Variants in DNAH8 observed in about 807,000 individuals in gnomAD.
DNAH8 encodes dynein axonemal heavy chain 8.
A neutral mutation model predicts 562.1 loss-of-function variants in DNAH8; 382 were observed. The ratio of observed to expected loss-of-function variants is 0.68; its 90% confidence interval spans 0.63 to 0.74. The LOEUF (loss-of-function observed/expected upper bound fraction) is 0.74, where lower values mean the gene tolerates loss of function less well. Among genes scored for constraint, DNAH8 ranks in the 30% least tolerant of loss-of-function variants. The pLI is 0.00. For missense variants in DNAH8, 5,203 were observed against 5,620.4 expected (o/e 0.93, Z 2.37); for synonymous variants, 1,881 against 1,919.4 (o/e 0.98, Z 0.52).
intron 4 of DNAH8, among the ~76,000 whole-genome samples, chr6:38,731,183 T>C (rs925336842): frequency 2.6e-5 from 4 of 152,204 alleles, no homozygotes; most frequent in African/African-American, 9.7e-5. Flanking sequence ...TCTATATTTT[T>C]ATAACTTGTT....
intron 52 of DNAH8, among the ~76,000 whole-genome samples, chr6:38,874,106 TTCCTTCCTTCCTCCTTC>T (rs1453391321): frequency 7.8e-4 from 48 of 61,618 alleles, no homozygotes; most frequent in African/African-American, 2.6e-3. Flanking sequence ...CTCTTTCTCC[TTCCTTCCTTCCTCCTTC>T]TCTCTTTCTT....
At chr6:38,830,634 CAAAA>C (rs56761180) in intron 30 of DNAH8, among the ~76,000 whole-genome samples, 63 of 90,444 alleles carry the variant, frequency 7.0e-4, no homozygotes, top group South Asian at 4.1e-3. Flanking sequence ...GACTCTATCT[CAAAA>C]AAAAAAAAAA....
At chr6:38,834,387 A>AATT (rs1774103189) in intron 31 of DNAH8, among the ~76,000 whole-genome samples, 192 bp from the exon 32 acceptor site, 1 of 152,202 alleles carries the variant, frequency 6.6e-6, no homozygotes. Context: ...TAAATGAATG[A>AATT]ATTGTATAGT....
intron 11 of DNAH8, among the ~76,000 whole-genome samples, chr6:38,766,201 A>G (rs777741007): frequency 1.3e-5 from 2 of 151,966 alleles, no homozygotes; most frequent in African/African-American, 2.4e-5. Flanking sequence ...TTCAGTCTTT[A>G]CAAAGAAGGA....
chr6:38,838,356 A>G (rs1774479119), intron 33 of DNAH8, among the ~76,000 whole-genome samples: 1 of 151,972 alleles, frequency 6.6e-6, no homozygotes, highest in African/African-American at 2.4e-5. Flanking sequence ...AGCAATTTTG[A>G]GTAACTTTTG....
chr6:38,885,221 C>T (rs980463537), intron 56 of DNAH8, among the ~76,000 whole-genome samples: 4 of 152,156 alleles, frequency 2.6e-5, no homozygotes, highest in South Asian at 2.1e-4. Context: ...CTGGTTGGAT[C>T]GCAAACTTAA....
At chr6:38,775,655 A>T in intron 12 of DNAH8, 99 bp from the exon 13 acceptor site, 1 of 728,324 alleles carries the variant, frequency 1.4e-6, no homozygotes. Context: ...GCCCTGTTTA[A>T]TGGTTTGTGT....
At chr6:38,976,276 G>T (rs1763665953) in intron 85 of DNAH8, among the ~76,000 whole-genome samples, 1 of 152,192 alleles carries the variant, frequency 6.6e-6, no homozygotes, top group African/African-American at 2.4e-5. Flanking sequence ...GTTAGAGGCA[G>T]AAGTAGGTGA....
rs575337475 is a variant in DNAH8 at position 39,016,632 on chromosome 6, A to AAT, written c.13714+4002_13714+4003dup. On this transcript the variant is annotated intron_variant, in intron 91 of 92. Transcript: ENST00000327475. ...GTATAAAGGCTGTAGTTTCATCACA[A>AAT]ATATATATGCAGTAATCAAAATCAC... Among the ~76,000 whole-genome samples the AAT allele has an allele frequency of 1.4e-4, 21 of 152,326 alleles. No individual in the cohort carries two copies. The South Asian group carries it at 4.1e-3, about 30-fold the overall frequency.
chr6:38,843,022 T>C, intron 35 of DNAH8, 119 bp downstream of exon 35: 1 of 978,412 alleles, frequency 1.0e-6, no homozygotes, highest in Non-Finnish European at 1.5e-6. Context: ...TAATGCACCC[T>C]CAAAATTTGG....
chr6:38,947,475 C>G (rs1394809602), intron 80 of DNAH8, among the ~76,000 whole-genome samples: 1 of 152,226 alleles, frequency 6.6e-6, no homozygotes, highest in Non-Finnish European at 1.5e-5. Context: ...TATCACCTAT[C>G]ATGGCTGCAG....
At chr6:38,881,573 G>C (rs527494780) in intron 53 of DNAH8, among the ~76,000 whole-genome samples, 1 of 137,794 alleles carries the variant, frequency 7.3e-6, no homozygotes, top group Non-Finnish European at 1.5e-5. Flanking sequence ...TTTTTGAGAC[G>C]GAGTTTCGCT....
intron 26 of DNAH8, among the ~76,000 whole-genome samples, chr6:38,821,894 A>AT (rs1192171255): frequency 6.6e-6 from 1 of 152,128 alleles, no homozygotes; most frequent in Non-Finnish European, 1.5e-5. Context: ...CAAAAGATGT[A>AT]TTTTCAAGTT....
Position 38,857,553 on chromosome 6 carries a change from C to A in DNAH8, c.5769C>A (p.His1923Gln), listed in dbSNP as rs2061907. 5.5e-5 allele frequency: 89 copies of A among 1,612,904 alleles called. No homozygotes were observed. Among genetic ancestry groups the A allele is most frequent in the Non-Finnish European group, 7.0e-5 (82 of 1,179,482 alleles). The change falls in exon 42 of 93, where the codon CAC becomes CAA. Residue 1923 changes from histidine to glutamine, a missense_variant. By Grantham distance (24) the His-to-Gln change is conservative. Coordinates refer to ENST00000327475, the MANE Select transcript of DNAH8 (RefSeq NM_001206927.2). ...GLLGIQMLWT[H>Q]DSEEALRNAK... ...TGGGAATTCAGATGTTGTGGACACA[C>A]GATTCAGAAGAGGCTTTACGTAATG...
At position 39,012,312 on chromosome 6, in the gene DNAH8, G is replaced by T. The variant is rs202160082; in HGVS notation, c.13469G>T (p.Arg4490Leu). ...DRMQRVISIL[R>L]SSLSDLKLAI... ...ATGCAAAGAGTCATTTCAATACTCCGCAGTAGCCTGAGTGATCTAAAATTG... is the reference window on the plus strand; with the variant it reads ...ATGCAAAGAGTCATTTCAATACTCCTCAGTAGCCTGAGTGATCTAAAATTG... Residue 4490 changes from arginine to leucine, a missense_variant, in exon 90 of 93, where the codon CGC becomes CTC. Physicochemically the swap from Arg to Leu is moderately radical, Grantham distance 102. Around this residue, in one of 6 missense-constraint regions of DNAH8, gnomAD observed 1,399 missense variants for 1,518.4 expected, o/e 0.92. Transcript: ENST00000327475. 4.3e-6 allele frequency: 7 copies of T among 1,613,140 alleles called. No individual in the cohort carries two copies. The highest frequency in any genetic ancestry group is 2.7e-5 in the African/African-American group (2 of 74,924).
At position 38,870,396 on chromosome 6, in the gene DNAH8, CT is replaced by C; in HGVS notation, c.6829-3del. 3 of 1,612,102 alleles carry C rather than the reference CT, an allele frequency of 1.9e-6. No individual in the cohort carries two copies. The highest frequency in any genetic ancestry group is 2.5e-6 in the Non-Finnish European group (3 of 1,179,016). On this transcript the variant is annotated splice_region_variant and splice_polypyrimidine_tract_variant and intron_variant, in intron 48 of 92. Transcript: ENST00000327475. ...GTAAATTTATTTTAAACTATGCCAC[CT>C]TAGGTTGATGAAGATGAACCCCTGT... is the stretch of plus-strand genomic sequence containing the variant.
chr6:38,986,444 A>T lies in DNAH8; in HGVS notation c.13053+2137A>T, dbSNP rs576777584. 2.6e-5 allele frequency among the ~76,000 whole-genome samples: 4 copies of T among 152,310 alleles called. No individual in the cohort carries two copies. In the East Asian group the frequency reaches 7.7e-4, roughly 29 times the overall value. ...AGTACACTTAAATAGATGCCCTCAG[A>T]GGGAAAAGGAGACAGTGAATGGATA... On this transcript the variant is annotated intron_variant, in intron 87 of 92. Transcript: ENST00000327475.
chr6:38,995,059 C>CTTTTTTTTTTTT (rs149324423), intron 88 of DNAH8, among the ~76,000 whole-genome samples: 2 of 138,764 alleles, frequency 1.4e-5, no homozygotes, highest in African/African-American at 2.7e-5. Context: ...CCTCATTGCT[C>CTTTTTTTTTTTT]TTTTTTTTTT....
At chr6:38,970,010 G>A (rs1463945767) in intron 82 of DNAH8, among the ~76,000 whole-genome samples, 3 of 152,086 alleles carry the variant, frequency 2.0e-5, no homozygotes, top group Non-Finnish European at 4.4e-5. Context: ...GGAAATAAAA[G>A]CAGAGTTGGG....
Sources: gnomAD v4.1 joint callset for allele counts (sites outside exome capture counted in the v4.1 genomes callset) on GRCh38, gnomAD v4.1.1 for gene constraint, gnomAD v4.1.1 regional missense constraint, MANE v1.5 for transcripts, NCBI Gene and HGNC (gene_info 2026-07-23, HGNC 2026-07-21) for gene names.